The following POLR1F variants were observed in gnomAD, a reference collection of about 807,000 sequenced individuals.
The protein encoded by POLR1F is RNA polymerase I subunit F.
A neutral mutation model predicts 21.8 loss-of-function variants in POLR1F; 23 were observed. The observed-to-expected ratio is 1.05, with a 90% CI of 0.76 to 1.49. The LOEUF is 1.49. Ranked by LOEUF, POLR1F falls within the 40% of genes most tolerant of loss-of-function variation. The pLI, the probability that POLR1F is intolerant of heterozygous loss-of-function variation, is 0.00. For missense variants in POLR1F, 435 were observed against 412.1 expected (o/e 1.06, Z -0.48); for synonymous variants, 162 against 152.8 (o/e 1.06, Z -0.45).
At chr7:19,708,643 G>C in intron 1 of POLR1F, 120 bp downstream of exon 1, 3 of 1,392,534 alleles carry the variant, frequency 2.2e-6, no homozygotes, top group Non-Finnish European at 2.9e-6. Flanking sequence ...GAAATCCAGG[G>C]GGCTAAGCTC....
chr7:19,698,665 G>C lies in POLR1F; in HGVS notation c.668C>G (p.Ala223Gly). 6.3e-7 allele frequency: 1 copy of C among 1,589,602 alleles called. No individual in the cohort carries two copies. Among genetic ancestry groups the C allele is most frequent in the Non-Finnish European group, 8.5e-7 (1 of 1,173,642 alleles). Residue 223 changes from alanine to glycine, a missense_variant, in exon 4 of 4, where the codon GCT becomes GGT. By Grantham distance (60) the Ala-to-Gly change is moderately conservative. Coordinates refer to ENST00000222567, the MANE Select transcript of POLR1F (RefSeq NM_001002926.2). ...EVTENGTEEAAKKPKKKKKKK... is the reference protein window; with the variant it reads ...EVTENGTEEAGKKPKKKKKKK... ...CTTTTTCTTCTTTTTAGGTTTTTTA[G>C]CAGCTTCCTCAGTGCCATTTTCTGT...
chr7:19,698,425 T>G lies in POLR1F; in HGVS notation c.908A>C (p.Gln303Pro), dbSNP rs763651907. 6.2e-7 allele frequency: 1 copy of G among 1,611,318 alleles called. No individual in the cohort carries two copies. The change falls in exon 4 of 4, where the codon CAA becomes CCA. Residue 303 changes from glutamine to proline, a missense_variant. Gln to Pro is a moderately conservative substitution (Grantham distance 76). Coordinates refer to ENST00000222567, the MANE Select transcript of POLR1F (RefSeq NM_001002926.2). Reference protein sequence around the residue: ...VFQGSDSSGYQSDHKKKKKKR... With the variant: ...VFQGSDSSGYPSDHKKKKKKR... ...CTTTTTTTTCTTTTTATGGTCACTT[T>G]GGTAACCACTGGAGTCACTGCCTTG...
chr7:19,705,153 T>A (rs969272161), intron 1 of POLR1F, among the ~76,000 whole-genome samples: 1 of 152,148 alleles, frequency 6.6e-6, no homozygotes, highest in African/African-American at 2.4e-5. Flanking sequence ...TCATACTGAT[T>A]AGATATTCTA....
intron 2 of POLR1F, among the ~76,000 whole-genome samples, chr7:19,702,880 A>G (rs1783463185): frequency 6.6e-6 from 1 of 152,222 alleles, no homozygotes; most frequent in Non-Finnish European, 1.5e-5. Flanking sequence ...GCAAATGTTA[A>G]TAACGATACA....
intron 2 of POLR1F, among the ~76,000 whole-genome samples, chr7:19,703,649 C>T (rs999733595): frequency 7.9e-5 from 12 of 152,254 alleles, no homozygotes; most frequent in African/African-American, 2.9e-4. Context: ...GGCTGGAATG[C>T]ATTGGCGCAA....
Position 19,698,496 on chromosome 7 carries a change from CTTCT to C in POLR1F, c.833_836del (p.Lys278ArgfsTer47). ...GAACTTCCTGGTGCTTTTTCTTCTTCTTCTTTTTCTTTGGCTCCTCCTCCCAGAT... is the reference window on the plus strand; with the variant it reads ...GAACTTCCTGGTGCTTTTTCTTCTTCTTTTCTTTGGCTCCTCCTCCCAGAT... On this transcript the variant is annotated frameshift_variant, in exon 4 of 4. Transcript: ENST00000222567. LOFTEE classifies it high-confidence loss of function. 1 of 1,607,444 alleles carries C rather than the reference CTTCT, an allele frequency of 6.2e-7. No homozygotes were observed. Among genetic ancestry groups the C allele is most frequent in the Non-Finnish European group, 8.5e-7 (1 of 1,178,468 alleles).
intron 1 of POLR1F, among the ~76,000 whole-genome samples, chr7:19,706,374 G>C (rs1783524739): frequency 6.6e-6 from 1 of 152,130 alleles, no homozygotes; most frequent in African/African-American, 2.4e-5. Flanking sequence ...AAATTATCAA[G>C]ACTTTATTTC....
Position 19,700,250 on chromosome 7 carries a change from T to C in POLR1F, c.427A>G (p.Ile143Val). 1 of 1,613,740 alleles carries C rather than the reference T, an allele frequency of 6.2e-7. No homozygotes were observed. Among genetic ancestry groups the C allele is most frequent in the South Asian group, 1.1e-5 (1 of 91,082 alleles). ...AAACACCCATGTACTAAACAGCCAATGTGGCTAGAAGACACTTTATTAACT... is the reference window on the plus strand; with the variant it reads ...AAACACCCATGTACTAAACAGCCAACGTGGCTAGAAGACACTTTATTAACT... Reference protein sequence around the residue: ...GIVNKVSSSHIGCLVHGCFNA... With the variant: ...GIVNKVSSSHVGCLVHGCFNA... Residue 143 changes from isoleucine (I) to valine (V), a missense_variant, in exon 3 of 4, where the codon ATT (isoleucine) becomes GTT (valine). By Grantham distance (29) the Ile-to-Val change is conservative. Transcript: ENST00000222567.
At chr7:19,708,389 A>G (rs553699001) in intron 1 of POLR1F, among the ~76,000 whole-genome samples, 39 of 152,254 alleles carry the variant, frequency 2.6e-4, no homozygotes, top group Middle Eastern at 3.4e-3. Context: ...TTTATCGTCA[A>G]ATGAGAAAGC....
chr7:19,706,362 A>G (rs1783524577), intron 1 of POLR1F, among the ~76,000 whole-genome samples: 2 of 152,292 alleles, frequency 1.3e-5, no homozygotes, highest in South Asian at 4.1e-4. Context: ...AGACAGAAAA[A>G]CAAATTATCA....
Position 19,708,758 on chromosome 7 carries a change from G to C in POLR1F, c.254+5C>G, listed in dbSNP as rs750135518. On this transcript the variant is annotated splice_donor_5th_base_variant and intron_variant, in intron 1 of 3. Coordinates refer to ENST00000222567, the MANE Select transcript of POLR1F (RefSeq NM_001002926.2). ...AAAAGAAGGAACAGGCAAAGAGATC[G>C]GTACCTCTCAGAATAGCGAAGGAGC... 5 of 1,601,922 alleles carry C rather than the reference G, an allele frequency of 3.1e-6. No homozygotes were observed. The highest frequency in any genetic ancestry group is 4.5e-5 in the East Asian group (2 of 44,522).
intron 2 of POLR1F, among the ~76,000 whole-genome samples, chr7:19,701,610 C>G (rs552976803): frequency 6.6e-6 from 1 of 152,280 alleles, no homozygotes. Context: ...ACAGCCGGTT[C>G]TTACCTTAGA....
rs747295855 is a variant in POLR1F at position 19,704,880 on chromosome 7, C to A, written c.295G>T (p.Val99Leu). Residue 99 changes from valine to leucine, a missense_variant, in exon 2 of 4, where the codon GTG (valine) becomes TTG (leucine). By Grantham distance (32) the Val-to-Leu change is conservative. Transcript: ENST00000222567. ...VPIAYDNIKV[V>L]GELGDIYDDQ... ...TCATAAATATCTCCAAGCTCTCCCA[C>A]AACTTTGATGTTATCATATGCAATA... is the stretch of plus-strand genomic sequence containing the variant. The A allele has an allele frequency of 1.9e-6, 3 of 1,605,812 alleles. No individual in the cohort carries two copies. The African/African-American group carries it at 4.0e-5, about 22-fold the overall frequency.
rs565821292 is a variant in POLR1F at position 19,695,597 on chromosome 7, A to G, written c.*2719T>C. The G allele has an allele frequency of 1.3e-5, 2 of 152,176 alleles. No homozygotes were observed. Among genetic ancestry groups the G allele is most frequent in the African/African-American group, 4.8e-5 (2 of 41,464 alleles). The allele number at this position is 152,176 out of a possible 1,614,324, so 9.4% of individuals were successfully genotyped here. On this transcript the variant is annotated 3_prime_UTR_variant, in exon 4 of 4. Coordinates refer to ENST00000222567, the MANE Select transcript of POLR1F (RefSeq NM_001002926.2). ...AGCCCTCAGGAAACTTATTTGGTCA[A>G]GACAAATTTGATTAAGAGACAAGCT...
chr7:19,701,720 TG>T (rs979105982), intron 2 of POLR1F, among the ~76,000 whole-genome samples: 1 of 150,616 alleles, frequency 6.6e-6, no homozygotes, highest in Non-Finnish European at 1.5e-5. Context: ...AGATGGCCTC[TG>T]GGGGGGCAGG....
At position 19,708,904 on chromosome 7, in the gene POLR1F, C is replaced by G. The variant is rs539094306; in HGVS notation, c.113G>C (p.Cys38Ser). ...CLELPTYAAACALVNSRYSCL... is the reference protein window; with the variant it reads ...CLELPTYAAASALVNSRYSCL... ...TGAGTAGCGACTGTTCACCAGCGCA[C>G]AAGCAGCGGCATAAGTCGGCAACTC... is the stretch of plus-strand genomic sequence containing the variant. Residue 38 changes from cysteine to serine, a missense_variant, in exon 1 of 4, where the codon TGT (cysteine) becomes TCT (serine). Transcript: ENST00000222567. The G allele has an allele frequency of 6.2e-7, 1 of 1,614,086 alleles. No individual in the cohort carries two copies. The highest frequency in any genetic ancestry group is 2.2e-5 in the East Asian group (1 of 44,882).
chr7:19,700,608 T>C (rs1443610043), intron 2 of POLR1F, among the ~76,000 whole-genome samples: 1 of 152,024 alleles, frequency 6.6e-6, no homozygotes, highest in Non-Finnish European at 1.5e-5. Flanking sequence ...CCATCTCAAC[T>C]CCCCACTGCA....
In POLR1F at chr7:19,696,587, C is replaced by G. The variant is rs991057574; in HGVS notation, c.*1729G>C. On this transcript the variant is annotated 3_prime_UTR_variant, in exon 4 of 4. Transcript: ENST00000222567. ...CTTACTAAGCATTTCCTGGGTATGC[C>G]ACTATATTAAGTCCTAGTAATATGA... 5.9e-5 allele frequency: 9 copies of G among 151,908 alleles called. No individual in the cohort carries two copies. The highest frequency in any genetic ancestry group is 1.2e-4 in the Non-Finnish European group (8 of 67,908). 9.4% of individuals were successfully genotyped at this position (151,908 alleles called of 1,614,324 possible). A position where few individuals can be genotyped will look rare whatever the true frequency, so the allele number is the denominator to read the frequency against.
intron 3 of POLR1F, among the ~76,000 whole-genome samples, chr7:19,699,075 G>C (rs1783416953): frequency 6.6e-6 from 1 of 152,018 alleles, no homozygotes; most frequent in African/African-American, 2.4e-5. Context: ...TTTGGTCACT[G>C]AACATTAAAC....
Sources: gnomAD v4.1 joint callset for allele counts (sites outside exome capture counted in the v4.1 genomes callset) on GRCh38, gnomAD v4.1.1 for gene constraint, MANE v1.5 for transcripts, NCBI Gene and HGNC (gene_info 2026-07-23, HGNC 2026-07-21) for gene names.